RAET1E: variants seen among roughly 807,000 people sequenced by gnomAD.
RAET1E encodes the protein NKG2D ligand 4.
RAET1E carries 27 observed loss-of-function variants against 21.1 expected under a neutral mutation model. The observed-to-expected ratio is 1.28, with a 90% CI of 0.94 to 1.76. The LOEUF (loss-of-function observed/expected upper bound fraction) is 1.76. Ranked by LOEUF, RAET1E falls within the 40% of genes most tolerant of loss-of-function variation. The pLI, the probability that RAET1E is intolerant of heterozygous loss-of-function variation, is 0.00. For missense variants in RAET1E, 310 were observed against 311.3 expected (o/e 1.00, Z 0.03); for synonymous variants, 113 against 115.0 (o/e 0.98, Z 0.11).
chr6:149,895,362 GC>G lies in RAET1E; in HGVS notation c.-134+483del, dbSNP rs1429966588. The G allele has an allele frequency of 2.0e-5, 3 of 152,344 alleles. No individual in the cohort carries two copies. In the East Asian group the frequency reaches 5.8e-4, roughly 29 times the overall value. The allele number at this position is 152,344 out of a possible 1,614,324, so 9.4% of individuals were successfully genotyped here. A position where few individuals can be genotyped will look rare whatever the true frequency, so the allele number is the denominator to read the frequency against. On this transcript the variant is annotated intron_variant, in intron 2 of 5. Transcript: ENST00000357183. ...AGTCTGCTATAAGCCCCTGATTGGG[GC>G]TGCTGCCTTGTTTACCAACATGCCC...
chr6:149,890,848 C>G lies in RAET1E; in HGVS notation c.54G>C (p.Leu18=). The change falls in exon 3 of 6, where the codon CTG becomes CTC. Residue 18 remains leucine, a synonymous_variant. Transcript: ENST00000357183. ...TGATCTCCAAGGCTATTAGTAGCAACAGCAGAAACAAAAGAAGGCGCACAG... is the reference window on the plus strand; with the variant it reads ...TGATCTCCAAGGCTATTAGTAGCAAGAGCAGAAACAAAAGAAGGCGCACAG... The part of the protein sequence containing the change: ...SSPVRLLLFL[L]LLLIALEIMV... 1 of 1,613,542 alleles carries G rather than the reference C, an allele frequency of 6.2e-7. No homozygotes were observed. The highest frequency in any genetic ancestry group is 8.5e-7 in the Non-Finnish European group (1 of 1,179,532).
At position 149,888,613 on chromosome 6, in the gene RAET1E, C is replaced by G. The variant is rs1319456080; in HGVS notation, c.677G>C (p.Arg226Thr). 1.9e-6 allele frequency: 3 copies of G among 1,602,442 alleles called. No homozygotes were observed. Among genetic ancestry groups the G allele is most frequent in the Non-Finnish European group, 2.5e-6 (3 of 1,177,038 alleles). ...GATGAATGCCCCCAGGATGATCCAT[C>G]TATCTGGTAGACTAGAAGAAGACCA... ...IHWSSSSLPD[R>T]WIILGAFILL... The change falls in exon 6 of 6, where the codon AGA (arginine) becomes ACA (threonine). Residue 226 changes from arginine (R) to threonine (T), a missense_variant. Physicochemically the swap from Arg to Thr is moderately conservative, Grantham distance 71. Transcript: ENST00000357183.
intron 2 of RAET1E, among the ~76,000 whole-genome samples, chr6:149,892,539 A>G (rs912335013): frequency 2.0e-5 from 3 of 152,084 alleles, no homozygotes; most frequent in Non-Finnish European, 2.9e-5. Context: ...TACTTTGCCC[A>G]TTTTTTGATG....
At chr6:149,889,066 T>G in intron 5 of RAET1E, 1 of 1,382,158 alleles carries the variant, frequency 7.2e-7, no homozygotes, top group African/African-American at 1.5e-5. Context: ...GCCTGGATGT[T>G]TGCAATGACA....
At chr6:149,896,545 G>C (rs1778120700) in intron 1 of RAET1E, among the ~76,000 whole-genome samples, 1 of 152,136 alleles carries the variant, frequency 6.6e-6, no homozygotes, top group African/African-American at 2.4e-5. Context: ...TCCAGGCCCT[G>C]AGAGTACACA....
rs1342561246 is a variant in RAET1E, at chr6:149,888,440, T to A, written c.*58A>T. On this transcript the variant is annotated 3_prime_UTR_variant, in exon 6 of 6. Transcript: ENST00000357183. Reference sequence around the variant, plus strand: ...CACCATTTCTGTGGAGAGAGATGGATCAGGGAGCGGGGGCTTGGATGAGAC... The same window carrying A: ...CACCATTTCTGTGGAGAGAGATGGAACAGGGAGCGGGGGCTTGGATGAGAC... The A allele has an allele frequency of 1.9e-6, 3 of 1,585,940 alleles. No individual in the cohort carries two copies. Among genetic ancestry groups the A allele is most frequent in the East Asian group, 2.2e-5 (1 of 44,526 alleles).
At chr6:149,890,782 T>C (rs1281936436) in intron 3 of RAET1E, 35 bp downstream of exon 3, 1 of 1,486,566 alleles carries the variant, frequency 6.7e-7, no homozygotes, top group Non-Finnish European at 9.4e-7. Flanking sequence ...CCCTCCTCCT[T>C]GTCCTCAGCC....
intron 3 of RAET1E, 164 bp from the exon 4 acceptor site, chr6:149,890,309 T>C (rs1378393351): frequency 2.8e-6 from 2 of 709,646 alleles, no homozygotes; most frequent in Admixed American, 2.9e-5. Context: ...CATCTCTCCC[T>C]GACTGTCTGG....
intron 2 of RAET1E, among the ~76,000 whole-genome samples, chr6:149,894,241 T>C (rs922089599): frequency 6.6e-6 from 1 of 152,192 alleles, no homozygotes; most frequent in African/African-American, 2.4e-5. Flanking sequence ...TTTTCTATTG[T>C]TTGGAATAGT....
rs1777590711 is a variant in RAET1E at position 149,885,950 on chromosome 6, G to A, written c.*2548C>T. On this transcript the variant is annotated 3_prime_UTR_variant, in exon 6 of 6. Transcript: ENST00000357183. ...TGTGGTCAGAGTTTCTGAGCTACGA[G>A]TGGGGGTAGTTAATTCTATCCAGGA... Among the ~76,000 whole-genome samples, 1 of 152,242 alleles carries A rather than the reference G, an allele frequency of 6.6e-6. No homozygotes were observed. Among genetic ancestry groups the A allele is most frequent in the Admixed American group, 6.5e-5 (1 of 15,290 alleles).
rs72997535 is a variant in RAET1E, at chr6:149,885,114, C to T, written c.*3384G>A. 1.3e-5 allele frequency among the ~76,000 whole-genome samples: 2 copies of T among 152,266 alleles called. No homozygotes were observed. Among genetic ancestry groups the T allele is most frequent in the Non-Finnish European group, 2.9e-5 (2 of 68,020 alleles). Reference sequence around the variant, plus strand: ...ACCTTTGGCATGTGATATACTTTCCCATGGTCAGATGGTCAGATCATCAAG... The same window carrying T: ...ACCTTTGGCATGTGATATACTTTCCTATGGTCAGATGGTCAGATCATCAAG... On this transcript the variant is annotated 3_prime_UTR_variant, in exon 6 of 6. Transcript: ENST00000357183.
chr6:149,891,976 G>GTATT (rs1777922188), intron 2 of RAET1E, among the ~76,000 whole-genome samples: 1 of 152,098 alleles, frequency 6.6e-6, no homozygotes, highest in Non-Finnish European at 1.5e-5. Flanking sequence ...AGAACATGTG[G>GTATT]TATTTGGTTT....
rs541100170 is a variant in RAET1E, at chr6:149,895,068, C to T, written c.-134+778G>A. Reference sequence around the variant, plus strand: ...GGTGGTCCACTCCCAACCCTGTTTACCTGGGTATCACCAGCGGAGGCTGCA... The same window carrying T: ...GGTGGTCCACTCCCAACCCTGTTTATCTGGGTATCACCAGCGGAGGCTGCA... On this transcript the variant is annotated intron_variant, in intron 2 of 5. Transcript: ENST00000357183. Among the ~76,000 whole-genome samples the T allele has an allele frequency of 2.6e-5, 4 of 152,346 alleles. No homozygotes were observed. In the South Asian group the frequency reaches 8.3e-4, roughly 32 times the overall value.
chr6:149,893,825 A>G (rs920583215), intron 2 of RAET1E, among the ~76,000 whole-genome samples: 1 of 152,146 alleles, frequency 6.6e-6, no homozygotes, highest in Non-Finnish European at 1.5e-5. Flanking sequence ...TCAGTATGAT[A>G]TTGGCTGTGG....
rs1236568962 is a variant in RAET1E at position 149,887,824 on chromosome 6, G to A, written c.*674C>T. Among the ~76,000 whole-genome samples, 1 of 151,948 alleles carries A rather than the reference G, an allele frequency of 6.6e-6. No individual in the cohort carries two copies. Among genetic ancestry groups the A allele is most frequent in the Non-Finnish European group, 1.5e-5 (1 of 68,040 alleles). The stretch of plus-strand genomic sequence containing the variant: ...TATGAGGACAAAGACAGCAATGGAA[G>A]AAAGAAATGAATTCTTCATGTCAGA... On this transcript the variant is annotated 3_prime_UTR_variant, in exon 6 of 6. Transcript: ENST00000357183.
At chr6:149,893,958 A>G (rs1376434852) in intron 2 of RAET1E, among the ~76,000 whole-genome samples, 1 of 152,190 alleles carries the variant, frequency 6.6e-6, no homozygotes, top group Non-Finnish European at 1.5e-5. Flanking sequence ...TATTGAGATA[A>G]TCATGTGGTT....
chr6:149,894,237 A>C (rs1404567165), intron 2 of RAET1E, among the ~76,000 whole-genome samples: 1 of 151,948 alleles, frequency 6.6e-6, no homozygotes, highest in Admixed American at 6.6e-5. Flanking sequence ...CTCTTTTTCT[A>C]TTGTTTGGAA....
intron 3 of RAET1E, 43 bp from the exon 4 acceptor site, chr6:149,890,188 G>A (rs1199962541): frequency 6.2e-7 from 1 of 1,606,042 alleles, no homozygotes; most frequent in African/African-American, 1.3e-5. Context: ...CAGGGGAAGA[G>A]GCCCATTAGA....
In RAET1E at chr6:149,886,360, G is replaced by A. The variant is rs4869756; in HGVS notation, c.*2138C>T. 0.22 allele frequency among the ~76,000 whole-genome samples: 32,709 copies of A among 151,892 alleles called. 4,231 individuals carry two copies. Among genetic ancestry groups the A allele is most frequent in the Admixed American group, 0.33 (5,028 of 15,260 alleles). ...CCATTGTGCTTGGACAAGATGCTTC[G>A]CATGATTTTAACCCTTTACATATGT... On this transcript the variant is annotated 3_prime_UTR_variant, in exon 6 of 6. Coordinates refer to ENST00000357183, the MANE Select transcript of RAET1E (RefSeq NM_001394057.1).
Sources: allele counts gnomAD v4.1 joint callset (sites outside exome capture counted in the v4.1 genomes callset), GRCh38; gene constraint gnomAD v4.1.1; transcripts MANE v1.5; gene names NCBI Gene and HGNC (gene_info 2026-07-23, HGNC 2026-07-21).